CLYBL: variants seen among roughly 807,000 people sequenced by gnomAD.
CLYBL encodes citramalyl-CoA lyase.
A neutral mutation model predicts 38.9 loss-of-function variants in CLYBL; 31 were observed. The ratio of observed to expected loss-of-function variants is 0.80; its 90% CI spans 0.60 to 1.08. CLYBL has a LOEUF of 1.08. Among genes scored for constraint, CLYBL ranks in the 50% least tolerant of loss-of-function variants. CLYBL has a pLI of 0.00. For synonymous variants in CLYBL, 171 were observed against 158.6 expected, an observed-to-expected ratio of 1.08 and a Z score of -0.59; for missense variants, 434 against 411.6, an observed-to-expected ratio of 1.05 and a Z score of -0.47.
chr13:99,876,298 G>A (rs1371854004), intron 7 of CLYBL, among the ~76,000 whole-genome samples: 6 of 151,022 alleles, frequency 4.0e-5, no homozygotes, highest in Non-Finnish European at 5.9e-5. Context: ...GCGGGTGACT[G>A]TAATCCCAGC....
chr13:99,696,195 G>A (rs1020432808), intron 1 of CLYBL, among the ~76,000 whole-genome samples: 4 of 151,850 alleles, frequency 2.6e-5, no homozygotes, highest in Admixed American at 2.6e-4. Flanking sequence ...CAAAGTTATG[G>A]GATGTATAGA....
chr13:99,858,808 G>A (rs1047784445), intron 2 of CLYBL, 53 bp from the exon 3 acceptor site: 1 of 1,302,492 alleles, frequency 7.7e-7, no homozygotes, highest in Non-Finnish European at 1.1e-6. Flanking sequence ...CCATTTGATG[G>A]TGCTCCCCTC....
intron 2 of CLYBL, among the ~76,000 whole-genome samples, chr13:99,785,354 G>A (rs925869284): frequency 6.6e-6 from 1 of 151,430 alleles, no homozygotes; most frequent in African/African-American, 2.4e-5. Flanking sequence ...GACCACAGGT[G>A]TGTGCCACTG....
chr13:99,876,717 G>A, intron 7 of CLYBL, among the ~76,000 whole-genome samples: 1 of 152,152 alleles, frequency 6.6e-6, no homozygotes, highest in East Asian at 1.9e-4. Context: ...CACAGCCAAG[G>A]TGGAGAGAGG....
At chr13:99,895,736 G>C (rs1265757619), downstream of CLYBL, 2 of 152,182 alleles carry the variant, frequency 1.3e-5, no homozygotes, top group Non-Finnish European at 2.9e-5. Flanking sequence ...AATTGCCCAC[G>C]ACGTAAAGAG....
In CLYBL at chr13:99,865,541, T is replaced by G. The variant is rs1247515675; in HGVS notation, c.634+630T>G. 6.6e-6 allele frequency among the ~76,000 whole-genome samples: 1 copy of G among 152,184 alleles called. No homozygotes were observed. The highest frequency in any genetic ancestry group is 2.4e-5 in the African/African-American group (1 of 41,448). On this transcript the variant is annotated intron_variant, in intron 5 of 8. Coordinates refer to ENST00000339105, the MANE Select transcript of CLYBL (RefSeq NM_206808.5). This position sits in a 1 kb window ranked among gnomAD's most constrained non-coding sequence, Gnocchi z 4.7. ...CCGAGGCCACAGAAACCAGCCCCAGTGACCTGAAGACAGGCACTTTCCCTA... is the reference window on the plus strand; with the variant it reads ...CCGAGGCCACAGAAACCAGCCCCAGGGACCTGAAGACAGGCACTTTCCCTA...
intron 2 of CLYBL, among the ~76,000 whole-genome samples, chr13:99,821,099 GC>G (rs2139033049): frequency 6.6e-6 from 1 of 152,288 alleles, no homozygotes; most frequent in South Asian, 2.1e-4. Context: ...CTTGGTGGAA[GC>G]AATTAAGCTT....
At chr13:99,770,464 C>T (rs540395701) in intron 1 of CLYBL, among the ~76,000 whole-genome samples, 1 of 151,702 alleles carries the variant, frequency 6.6e-6, no homozygotes. Context: ...ACTACAGGCG[C>T]CCGCCACCAC....
At chr13:99,661,103 G>A (rs927927485) in intron 1 of CLYBL, among the ~76,000 whole-genome samples, 1 of 151,866 alleles carries the variant, frequency 6.6e-6, no homozygotes, top group African/African-American at 2.4e-5. Flanking sequence ...CATTTACACC[G>A]AAAAATTCAA....
chr13:99,850,026 A>G (rs535104149), intron 2 of CLYBL, among the ~76,000 whole-genome samples: 27 of 152,378 alleles, frequency 1.8e-4, no homozygotes, highest in Non-Finnish European at 3.5e-4. Flanking sequence ...TAAATGTTAT[A>G]GCTAAAACTA....
intron 1 of CLYBL, among the ~76,000 whole-genome samples, chr13:99,733,979 A>G (rs2139579668): frequency 6.6e-6 from 1 of 152,308 alleles, no homozygotes; most frequent in Admixed American, 6.5e-5. Flanking sequence ...CTCGACTTTT[A>G]TTTTGTTCAG....
rs542666148 is a variant in CLYBL, at chr13:99,781,964, C to T, written c.249+8954C>T. On this transcript the variant is annotated intron_variant, in intron 2 of 8. Coordinates refer to ENST00000339105, the MANE Select transcript of CLYBL (RefSeq NM_206808.5). ...ACTTTAAATCCAGTTATTTCTCTCGCACTGTATGCGTTATTTTTGCTCAAT... is the reference window on the plus strand; with the variant it reads ...ACTTTAAATCCAGTTATTTCTCTCGTACTGTATGCGTTATTTTTGCTCAAT... Among the ~76,000 whole-genome samples, 3 of 152,360 alleles carry T rather than the reference C, an allele frequency of 2.0e-5. No homozygotes were observed. The South Asian group carries it at 6.2e-4, about 32-fold the overall frequency.
chr13:99,666,477 C>G (rs1333862944), intron 1 of CLYBL, among the ~76,000 whole-genome samples: 2 of 152,152 alleles, frequency 1.3e-5, no homozygotes, highest in Non-Finnish European at 2.9e-5. Flanking sequence ...ACAACTCTCA[C>G]AAATCTCATG....
At chr13:99,791,776 G>A (rs2138892108) in intron 2 of CLYBL, among the ~76,000 whole-genome samples, 1 of 152,316 alleles carries the variant, frequency 6.6e-6, no homozygotes, top group Middle Eastern at 3.4e-3. Context: ...CCAAACAAGT[G>A]TCTGAGAGCA....
At chr13:99,742,364 G>A (rs953620935) in intron 1 of CLYBL, among the ~76,000 whole-genome samples, 2 of 152,202 alleles carry the variant, frequency 1.3e-5, no homozygotes, top group Non-Finnish European at 2.9e-5. Flanking sequence ...AAGGGGAAAT[G>A]AGGATAAAAG....
intron 2 of CLYBL, among the ~76,000 whole-genome samples, chr13:99,834,267 T>G (rs2050885370): frequency 6.6e-6 from 1 of 152,034 alleles, no homozygotes; most frequent in African/African-American, 2.4e-5. Flanking sequence ...GTCAAGCAGG[T>G]GGGCCCAGGA....
intron 2 of CLYBL, among the ~76,000 whole-genome samples, chr13:99,848,114 C>A (rs1384324069): frequency 6.6e-6 from 1 of 152,168 alleles, no homozygotes; most frequent in African/African-American, 2.4e-5. Flanking sequence ...CTCACCTCCT[C>A]TGCACTTACT....
At chr13:99,698,168 G>A (rs1240220748) in intron 1 of CLYBL, among the ~76,000 whole-genome samples, 1 of 149,688 alleles carries the variant, frequency 6.7e-6, no homozygotes, top group African/African-American at 2.6e-5. Context: ...GTTTTGCCAT[G>A]CTGGAGTTTG....
At chr13:99,826,098 G>A (rs1220003837) in intron 2 of CLYBL, among the ~76,000 whole-genome samples, 1 of 152,166 alleles carries the variant, frequency 6.6e-6, no homozygotes, top group East Asian at 1.9e-4. Context: ...TACTGTGATG[G>A]TCAATTTTAA....
Sources: gnomAD v4.1 joint callset for allele counts (sites outside exome capture counted in the v4.1 genomes callset) on GRCh38, gnomAD v4.1.1 for gene constraint, Gnocchi (gnomAD v3.1) non-coding constraint, MANE v1.5 for transcripts, NCBI Gene and HGNC (gene_info 2026-07-23, HGNC 2026-07-21) for gene names.